Variants in SOX5 observed in about 807,000 individuals in gnomAD.
SOX5 encodes transcription factor SOX-5.
A neutral mutation model predicts 92.0 loss-of-function variants in SOX5; 9 were observed. That is an observed-to-expected ratio of 0.10 (90% CI 0.06 to 0.17). The LOEUF (loss-of-function observed/expected upper bound fraction) is 0.17. Ranked by LOEUF, SOX5 falls within the 10% of genes least tolerant of loss-of-function variation. The probability of loss-of-function intolerance (pLI) is 1.00; values close to 1 mark genes in which losing one functional copy is unlikely to be tolerated. For synonymous variants in SOX5, 344 were observed against 336.3 expected (o/e 1.02, Z -0.25); for missense variants, 642 against 944.5 (o/e 0.68, Z 4.20).
At chr12:24,462,180 G>A (rs10842353) in intron 1 of SOX5, among the ~76,000 whole-genome samples, 104,873 of 152,090 alleles carry the variant, frequency 0.69, 36,216 homozygotes, top group East Asian at 0.74. Flanking sequence ...GCTATATGGC[G>A]CAGCCTATTA....
intron 1 of SOX5, among the ~76,000 whole-genome samples, chr12:24,554,742 A>G (rs187040080): frequency 9.8e-4 from 149 of 152,296 alleles, no homozygotes; most frequent in African/African-American, 3.6e-3. Flanking sequence ...TATTGCTCTC[A>G]ATCACAATCC....
chr12:23,831,503 A>T (rs1055448670), intron 3 of SOX5, among the ~76,000 whole-genome samples: 4 of 152,084 alleles, frequency 2.6e-5, no homozygotes, highest in Non-Finnish European at 5.9e-5. Context: ...TCCTTTACCC[A>T]ACAACGGTCT....
At chr12:23,714,482 C>T (rs949702075) in intron 6 of SOX5, among the ~76,000 whole-genome samples, 19 of 152,102 alleles carry the variant, frequency 1.2e-4, no homozygotes, top group African/African-American at 4.3e-4. Flanking sequence ...CTTCTCCAGG[C>T]ATGGTGGTGT....
chr12:24,453,694 C>A (rs1942637730), intron 1 of SOX5, among the ~76,000 whole-genome samples: 1 of 152,180 alleles, frequency 6.6e-6, no homozygotes, highest in Non-Finnish European at 1.5e-5. Context: ...CTACATCCAG[C>A]AGCTAGGAAA....
chr12:24,214,828 C>G (rs532590086), intron 3 of SOX5, among the ~76,000 whole-genome samples: 5 of 152,016 alleles, frequency 3.3e-5, no homozygotes, highest in African/African-American at 1.2e-4. Context: ...AATTTATATT[C>G]TTTTTCATTT....
intron 4 of SOX5, among the ~76,000 whole-genome samples, chr12:24,072,792 G>A (rs1941976065): frequency 6.6e-6 from 1 of 152,052 alleles, no homozygotes; most frequent in African/African-American, 2.4e-5. Context: ...ATCACTTCAT[G>A]GTATAATGAT....
chr12:23,663,554 G>T (rs1031065045), intron 7 of SOX5, among the ~76,000 whole-genome samples: 2 of 151,922 alleles, frequency 1.3e-5, no homozygotes, highest in African/African-American at 4.8e-5. Flanking sequence ...AAACTTTTTT[G>T]TTTTATTGAA....
chr12:24,173,194 C>A (rs1954395633), intron 4 of SOX5, among the ~76,000 whole-genome samples: 1 of 152,156 alleles, frequency 6.6e-6, no homozygotes, highest in Non-Finnish European at 1.5e-5. Flanking sequence ...GAGTTTTGAG[C>A]CATAAATCTT....
At position 24,087,769 on chromosome 12, in the gene SOX5, ATT is replaced by A. The variant is rs34022793; in HGVS notation, c.-2+125572_-2+125573del. 9.3e-5 allele frequency among the ~76,000 whole-genome samples: 14 copies of A among 150,342 alleles called. No homozygotes were observed. In the South Asian group the frequency reaches 1.5e-3, roughly 16 times the overall value. On this transcript the variant is annotated intron_variant, in intron 4 of 4. Transcript: ENST00000446891. The stretch of plus-strand genomic sequence containing the variant: ...CTTTTCTAGGAGCAGATTGTTAAAC[ATT>A]TTTTTTTTGTATAGGAAATCTTCCT...
chr12:23,721,263 TTAGTAGAGATGGG>T (rs1488251941), intron 6 of SOX5, among the ~76,000 whole-genome samples: 3 of 151,996 alleles, frequency 2.0e-5, no homozygotes, highest in Non-Finnish European at 4.4e-5. Context: ...TTTTGTATTT[TTAGTAGAGATGGG>T]GTTTCTCCAT....
intron 3 of SOX5, among the ~76,000 whole-genome samples, chr12:23,824,715 C>T (rs532539323): frequency 7.2e-5 from 11 of 152,166 alleles, no homozygotes; most frequent in Non-Finnish European, 1.3e-4. Context: ...GAGCTCAGTC[C>T]CAGGGAGAGA....
chr12:23,785,708 G>T (rs965365598), intron 3 of SOX5, among the ~76,000 whole-genome samples: 1 of 152,058 alleles, frequency 6.6e-6, no homozygotes, highest in African/African-American at 2.4e-5. Context: ...GGCATTAAAG[G>T]GACTTATAGT....
chr12:23,832,796 C>CAAA (rs555310943), intron 3 of SOX5, among the ~76,000 whole-genome samples: 191 of 135,896 alleles, frequency 1.4e-3, no homozygotes, highest in African/African-American at 5.0e-3. Context: ...CACTTTTAGG[C>CAAA]AAAAAAAAAA....
intron 2 of SOX5, among the ~76,000 whole-genome samples, chr12:24,340,398 A>T (rs188365585): frequency 6.2e-4 from 94 of 152,346 alleles, no homozygotes; most frequent in African/African-American, 2.0e-3. Context: ...CTATCCAGGG[A>T]ACTAAAATTC....
chr12:24,022,765 T>C (rs1954451068), intron 4 of SOX5, among the ~76,000 whole-genome samples: 1 of 152,124 alleles, frequency 6.6e-6, no homozygotes, highest in Admixed American at 6.6e-5. Flanking sequence ...TTCCTTAATT[T>C]AATTTTCCAC....
At position 23,532,844 on chromosome 12, in the gene SOX5, C is replaced by CTAA. The variant is rs2135822676; in HGVS notation, c.*1372_*1374dup. 5.8e-6 allele frequency: 1 copy of CTAA among 171,942 alleles called. No individual in the cohort carries two copies. The highest frequency in any genetic ancestry group is 1.3e-4 in the South Asian group (1 of 7,616). The allele number at this position is 171,942 out of a possible 1,614,324, so 10.7% of individuals were successfully genotyped here. On this transcript the variant is annotated 3_prime_UTR_variant, in exon 15 of 15. Transcript: ENST00000451604. ...AAGGATGGAATGTTGAAGAAATAAG[C>CTAA]TAATTCTATTTGTCTGAAAAAATGG...
chr12:23,806,306 G>A (rs1344933398), intron 3 of SOX5, among the ~76,000 whole-genome samples: 1 of 151,984 alleles, frequency 6.6e-6, no homozygotes, highest in Non-Finnish European at 1.5e-5. Flanking sequence ...GAATATAAAG[G>A]ACAACCCTGC....
chr12:23,718,084 A>AAAT (rs1361631937), intron 6 of SOX5, among the ~76,000 whole-genome samples: 2 of 134,106 alleles, frequency 1.5e-5, no homozygotes, highest in Non-Finnish European at 3.4e-5. Context: ...ATTTTTAAAA[A>AAAT]CCTTTCTGCA....
intron 4 of SOX5, among the ~76,000 whole-genome samples, chr12:23,979,698 G>GTTTTTTTGTT (rs1949313537): frequency 1.2e-4 from 8 of 64,704 alleles, no homozygotes; most frequent in Admixed American, 3.1e-4. Flanking sequence ...ATATATATAT[G>GTTTTTTTGTT]TTTTTTTTGT....
Sources: allele counts gnomAD v4.1 joint callset (sites outside exome capture counted in the v4.1 genomes callset), GRCh38; gene constraint gnomAD v4.1.1; transcripts MANE v1.5; gene names NCBI Gene and HGNC (gene_info 2026-07-23, HGNC 2026-07-21).